METTL2B: variants seen among roughly 807,000 people sequenced by gnomAD.
The protein encoded by METTL2B is tRNA N(3)-cytidine methyltransferase METTL2B.
A neutral mutation model predicts 51.0 loss-of-function variants in METTL2B; 28 were observed. The ratio of observed to expected loss-of-function variants is 0.55; its 90% confidence interval spans 0.41 to 0.75. METTL2B has a LOEUF of 0.75. Ranked by LOEUF, METTL2B falls within the 30% of genes least tolerant of loss-of-function variation. The pLI is 0.00. For missense variants in METTL2B, 313 were observed against 460.7 expected, an observed-to-expected ratio of 0.68 and a Z score of 2.93; for synonymous variants, 128 against 166.3, an observed-to-expected ratio of 0.77 and a Z score of 1.77.
chr7:128,495,553 C>T (rs1466455260), intron 6 of METTL2B, among the ~76,000 whole-genome samples: 3 of 152,020 alleles, frequency 2.0e-5, no homozygotes, highest in East Asian at 1.9e-4. Flanking sequence ...CAGGTTAAAG[C>T]GATTCTCCTG....
At chr7:128,489,838 T>C (rs2732431) in intron 5 of METTL2B, among the ~76,000 whole-genome samples, 119,029 of 150,796 alleles carry the variant, frequency 0.79, 47,204 homozygotes, top group East Asian at 0.94. Context: ...CCGTTTTAGC[T>C]GGGATGGTCT....
At chr7:128,497,382 G>C (rs374485458) in intron 6 of METTL2B, among the ~76,000 whole-genome samples, 21 of 152,342 alleles carry the variant, frequency 1.4e-4, no homozygotes, top group African/African-American at 4.6e-4. Flanking sequence ...GAACCCACTG[G>C]ATGCTCAGGA....
rs1793036279 is a variant in METTL2B, at chr7:128,501,865, G to A, written c.1086G>A (p.Arg362=). ...GAGGGAAGCAACTGACAATGTACCG[G>A]GTTTGGATTCAGTGCAAATACTGCA... ...VNRGKQLTMY[R]VWIQCKYCKP... Residue 362 remains arginine, a synonymous_variant, in exon 9 of 9, where the codon CGG becomes CGA. Transcript: ENST00000262432. 5.0e-6 allele frequency: 8 copies of A among 1,614,210 alleles called. No homozygotes were observed. The highest frequency in any genetic ancestry group is 6.8e-6 in the Non-Finnish European group (8 of 1,180,054).
At position 128,500,879 on chromosome 7, in the gene METTL2B, G is replaced by A. The variant is rs1299422376; in HGVS notation, c.917-24G>A. On this transcript the variant is annotated intron_variant, in intron 7 of 8. Transcript: ENST00000262432. ...CAAAGAGACACTTTAAAGTGTCTCT[G>A]ATTTTTAATACATCACTCTGCAGGT... is the stretch of plus-strand genomic sequence containing the variant. The A allele has an allele frequency of 3.7e-6, 6 of 1,613,480 alleles. No individual in the cohort carries two copies. In the African/African-American group the frequency reaches 6.7e-5, roughly 18 times the overall value.
chr7:128,495,413 C>A (rs1792907323), intron 6 of METTL2B, among the ~76,000 whole-genome samples: 1 of 152,140 alleles, frequency 6.6e-6, no homozygotes, highest in Non-Finnish European at 1.5e-5. Flanking sequence ...ACTTCATATG[C>A]ATAGGTAACC....
At position 128,503,225 on chromosome 7, in the gene METTL2B, A is replaced by C. The variant is rs1242763384; in HGVS notation, c.*1309A>C. 1 of 152,378 alleles carries C rather than the reference A, an allele frequency of 6.6e-6. No individual in the cohort carries two copies. The highest frequency in any genetic ancestry group is 2.4e-5 in the African/African-American group (1 of 41,446). The allele number at this position is 152,378 out of a possible 1,614,324, so 9.4% of individuals were successfully genotyped here. On this transcript the variant is annotated 3_prime_UTR_variant, in exon 9 of 9. Transcript: ENST00000262432. The stretch of plus-strand genomic sequence containing the variant: ...AACCTGGGAGGCAGAGGTTGCAGTG[A>C]GCCGAGATCATGTCACTGCATTCCA...
intron 7 of METTL2B, among the ~76,000 whole-genome samples, chr7:128,500,629 AT>A (rs1348845525): frequency 3.5e-5 from 5 of 141,988 alleles, no homozygotes; most frequent in African/African-American, 9.9e-5. Context: ...CTCAAAAAAA[AT>A]AAATAAATAA....
At chr7:128,484,930 C>T (rs1486049776) in intron 4 of METTL2B, among the ~76,000 whole-genome samples, 1 of 152,138 alleles carries the variant, frequency 6.6e-6, no homozygotes, top group Non-Finnish European at 1.5e-5. Context: ...GCCATCACTG[C>T]AGTCAACTTC....
At chr7:128,490,609 A>G (rs1213563345) in intron 5 of METTL2B, among the ~76,000 whole-genome samples, 1 of 152,034 alleles carries the variant, frequency 6.6e-6, no homozygotes, top group African/African-American at 2.4e-5. Flanking sequence ...TTTGCATACC[A>G]GTTTTCTCTA....
At chr7:128,484,232 T>TTTTTTTTTGTTTTTTTTTTTTTTG (rs1554428849) in intron 4 of METTL2B, 6 of 83,568 alleles carry the variant, frequency 7.2e-5, no homozygotes, top group African/African-American at 2.0e-4. Flanking sequence ...TTTTTTTTTT[T>TTTTTTTTTGTTTTTTTTTTTTTTG]TTTTTTTTTT....
intron 4 of METTL2B, among the ~76,000 whole-genome samples, chr7:128,485,233 T>C (rs112178510): frequency 0.12 from 18,201 of 152,088 alleles, 1,203 homozygotes; most frequent in Non-Finnish European, 0.14. Context: ...CAACCATGGA[T>C]TGAAAATAAA....
chr7:128,499,338 A>C (rs1792983434), intron 7 of METTL2B, among the ~76,000 whole-genome samples: 2 of 152,214 alleles, frequency 1.3e-5, no homozygotes, highest in African/African-American at 4.8e-5. Context: ...CATTACTGGT[A>C]GAAAAAGAAA....
chr7:128,480,217 C>T (rs1799856495), intron 3 of METTL2B, among the ~76,000 whole-genome samples: 1 of 152,064 alleles, frequency 6.6e-6, no homozygotes, highest in Non-Finnish European at 1.5e-5. Context: ...ATTGTTAAGC[C>T]CTTAATAAAT....
intron 5 of METTL2B, among the ~76,000 whole-genome samples, chr7:128,492,967 G>A (rs1351626027): frequency 6.6e-6 from 1 of 150,986 alleles, no homozygotes; most frequent in East Asian, 1.9e-4. Flanking sequence ...TTTCCCTGTT[G>A]GTCACTCATT....
chr7:128,499,359 C>CT (rs946803033), intron 7 of METTL2B, among the ~76,000 whole-genome samples: 24 of 149,406 alleles, frequency 1.6e-4, no homozygotes, highest in Middle Eastern at 6.8e-3. Flanking sequence ...TTGTTACAGC[C>CT]TTTTTTTTTT....
In METTL2B at chr7:128,502,221, T is replaced by TC. The variant is rs1438641430; in HGVS notation, c.*306dup. On this transcript the variant is annotated 3_prime_UTR_variant, in exon 9 of 9. Transcript: ENST00000262432. ...GTATCAGGATTCTAACAATTATGCT[T>TC]CATATTTGTGAAGTCCTTTAAAACA... is the stretch of plus-strand genomic sequence containing the variant. 5.9e-6 allele frequency: 2 copies of TC among 338,534 alleles called. No individual in the cohort carries two copies. The highest frequency in any genetic ancestry group is 4.3e-5 in the African/African-American group (2 of 46,446). The allele number at this position is 338,534 out of a possible 1,614,324, so 21.0% of individuals were successfully genotyped here. A position where few individuals can be genotyped will look rare whatever the true frequency, so the allele number is the denominator to read the frequency against.
chr7:128,479,069 T>G, intron 2 of METTL2B, 89 bp from the exon 3 acceptor site: 1 of 1,336,356 alleles, frequency 7.5e-7, no homozygotes, highest in East Asian at 2.5e-5. Context: ...AGTATTAAAG[T>G]GACATTTGGT....
intron 5 of METTL2B, among the ~76,000 whole-genome samples, chr7:128,493,030 A>G (rs1243132112): frequency 6.6e-6 from 1 of 152,086 alleles, no homozygotes; most frequent in African/African-American, 2.4e-5. Flanking sequence ...AGAAGTACAG[A>G]AAGTACACAA....
rs1049508929 is a variant in METTL2B at position 128,502,431 on chromosome 7, G to A, written c.*515G>A. On this transcript the variant is annotated 3_prime_UTR_variant, in exon 9 of 9. Coordinates refer to ENST00000262432, the MANE Select transcript of METTL2B (RefSeq NM_018396.3). The stretch of plus-strand genomic sequence containing the variant: ...TAAATCTTTTGAGAGTGTAAATGCC[G>A]GGCTAGGCAATTGCAGTTAATACAT... 12 of 301,964 alleles carry A rather than the reference G, an allele frequency of 4.0e-5. No individual in the cohort carries two copies. The highest frequency in any genetic ancestry group is 2.1e-4 in the African/African-American group (9 of 42,994). The allele number at this position is 301,964 out of a possible 1,614,324, so 18.7% of individuals were successfully genotyped here.
Sources: allele counts gnomAD v4.1 joint callset (sites outside exome capture counted in the v4.1 genomes callset), GRCh38; gene constraint gnomAD v4.1.1; transcripts MANE v1.5; gene names NCBI Gene and HGNC (gene_info 2026-07-23, HGNC 2026-07-21).